The following PALS2 variants were observed in gnomAD, a reference collection of about 807,000 sequenced individuals.
PALS2 encodes protein PALS2.
In PALS2, 27 loss-of-function variants were observed where a neutral mutation model predicts 61.6. The ratio of observed to expected loss-of-function variants is 0.44; its 90% CI spans 0.32 to 0.60. PALS2 has a LOEUF of 0.60. Ranked by LOEUF, PALS2 falls within the 20% of genes least tolerant of loss-of-function variation. PALS2 has a pLI of 0.05. For synonymous variants in PALS2, 236 were observed against 218.6 expected (o/e 1.08, Z -0.70); for missense variants, 554 against 639.4 (o/e 0.87, Z 1.44).
At chr7:24,630,423 T>G (rs769659032) in intron 2 of PALS2, among the ~76,000 whole-genome samples, 7 of 152,070 alleles carry the variant, frequency 4.6e-5, no homozygotes, top group Non-Finnish European at 1.0e-4. Flanking sequence ...CCATGGCACA[T>G]TTGTACTTAT....
At chr7:24,679,447 C>A in intron 10 of PALS2, 114 bp downstream of exon 10, 1 of 962,942 alleles carries the variant, frequency 1.0e-6, no homozygotes, top group Non-Finnish European at 1.6e-6. Flanking sequence ...GGAAAGGTGA[C>A]TCCCTCCATT....
Position 24,687,697 on chromosome 7 carries a change from C to G in PALS2, c.*83C>G. ...AACCTTCTACTGAGAAAATACATCA[C>G]AGATAGAAGATTATCTGCTAAGTCC... On this transcript the variant is annotated 3_prime_UTR_variant, in exon 12 of 12. Transcript: ENST00000222644. The surrounding 1 kb of genome is among the most constrained non-coding windows in gnomAD (Gnocchi z 4.5). 1 of 1,334,094 alleles carries G rather than the reference C, an allele frequency of 7.5e-7. No homozygotes were observed. 82.6% of individuals were successfully genotyped at this position (1,334,094 alleles called of 1,614,324 possible).
chr7:24,578,981 G>A (rs1007393468), intron 1 of PALS2, among the ~76,000 whole-genome samples: 4 of 152,172 alleles, frequency 2.6e-5, no homozygotes. Flanking sequence ...CAAAAAGGAA[G>A]TAAAATAAAA....
intron 1 of PALS2, among the ~76,000 whole-genome samples, chr7:24,583,806 C>A (rs934555803): frequency 1.3e-5 from 2 of 151,878 alleles, no homozygotes; most frequent in African/African-American, 4.8e-5. Context: ...TGCTATCCCT[C>A]CCCTCTCCCC....
At chr7:24,667,179 A>G (rs921240454) in intron 8 of PALS2, among the ~76,000 whole-genome samples, 26 of 152,280 alleles carry the variant, frequency 1.7e-4, no homozygotes, top group African/African-American at 5.3e-4. Context: ...TAATATTTCA[A>G]ATCATCACTT....
intron 1 of PALS2, among the ~76,000 whole-genome samples, chr7:24,587,911 TAC>T (rs1783134619): frequency 6.6e-6 from 1 of 152,186 alleles, no homozygotes; most frequent in African/African-American, 2.4e-5. Context: ...ACCGAGCTAA[TAC>T]AGTTTGATCT....
rs1198366817 is a variant in PALS2 at position 24,641,942 on chromosome 7, G to A, written c.270+74G>A. 6 of 1,483,286 alleles carry A rather than the reference G, an allele frequency of 4.0e-6. No individual in the cohort carries two copies. In the African/African-American group the frequency reaches 4.3e-5, roughly 11 times the overall value. 91.9% of individuals were successfully genotyped at this position (1,483,286 alleles called of 1,614,324 possible). A position where few individuals can be genotyped will look rare whatever the true frequency, so the allele number is the denominator to read the frequency against. On this transcript the variant is annotated intron_variant, in intron 3 of 11. Transcript: ENST00000222644. ...ATTCTCCTTTACTTTCCAGTTTAAGGTGATGTTTTCTTCAAAGATTATTTA... is the reference window on the plus strand; with the variant it reads ...ATTCTCCTTTACTTTCCAGTTTAAGATGATGTTTTCTTCAAAGATTATTTA...
chr7:24,684,781 C>A (rs1788109614), intron 11 of PALS2, among the ~76,000 whole-genome samples: 1 of 152,008 alleles, frequency 6.6e-6, no homozygotes. Flanking sequence ...ATCCTGAAAA[C>A]CTTGGTTCCT....
rs529179184 is a variant in PALS2 at position 24,651,491 on chromosome 7, A to G, written c.651+779A>G. On this transcript the variant is annotated intron_variant, in intron 5 of 11. Coordinates refer to ENST00000222644, the MANE Select transcript of PALS2 (RefSeq NM_001303037.2). Reference sequence around the variant, plus strand: ...CTCAAAAGATTGTTATGAGGATTAAACGAGTTAATTCATGTAATGCTCTCA... The same window carrying G: ...CTCAAAAGATTGTTATGAGGATTAAGCGAGTTAATTCATGTAATGCTCTCA... Among the ~76,000 whole-genome samples the G allele has an allele frequency of 5.9e-5, 9 of 152,332 alleles. No homozygotes were observed. In the South Asian group the frequency reaches 1.9e-3, roughly 32 times the overall value.
At chr7:24,583,299 T>C (rs1031490559) in intron 1 of PALS2, among the ~76,000 whole-genome samples, 4 of 152,134 alleles carry the variant, frequency 2.6e-5, no homozygotes, top group Non-Finnish European at 5.9e-5. Flanking sequence ...TTTTAAAAGG[T>C]TGGACTATCT....
intron 2 of PALS2, among the ~76,000 whole-genome samples, chr7:24,625,863 A>C (rs1040569589): frequency 5.9e-5 from 9 of 152,192 alleles, no homozygotes; most frequent in Admixed American, 2.0e-4. Context: ...CCTATAATAT[A>C]GGTTAAAAAA....
At chr7:24,627,608 A>G (rs1015325534) in intron 2 of PALS2, among the ~76,000 whole-genome samples, 2 of 152,174 alleles carry the variant, frequency 1.3e-5, no homozygotes, top group Admixed American at 6.5e-5. Context: ...AGCAAAATAG[A>G]TAGACCGCTA....
At chr7:24,577,271 C>CTTTTTTTTTTTTTTTT (rs59851624) in intron 1 of PALS2, among the ~76,000 whole-genome samples, 1 of 131,334 alleles carries the variant, frequency 7.6e-6, no homozygotes, top group African/African-American at 2.8e-5. Flanking sequence ...TCCTTTTTTC[C>CTTTTTTTTTTTTTTTT]TTTTTTTTTT....
Position 24,573,757 on chromosome 7 carries a change from AGGC to A in PALS2, c.-3+178_-3+180del, listed in dbSNP as rs1310044823. ...GCGGGCGCGGGGAAGAGGGACCGGC[AGGC>A]GGCGGCGGCGGCGCCGCGGTCGGGG... On this transcript the variant is annotated intron_variant, in intron 1 of 11. Transcript: ENST00000222644. The surrounding 1 kb of genome is among the most constrained non-coding windows in gnomAD (Gnocchi z 5.3). Among the ~76,000 whole-genome samples the A allele has an allele frequency of 7.0e-6, 1 of 143,400 alleles. No homozygotes were observed. Among genetic ancestry groups the A allele is most frequent in the African/African-American group, 2.5e-5 (1 of 39,662 alleles). The allele number at this position is 143,400 out of a possible 152,430, so 94.1% of individuals were successfully genotyped here. A position where few individuals can be genotyped will look rare whatever the true frequency, so the allele number is the denominator to read the frequency against.
chr7:24,675,549 A>G (rs1444100441), intron 9 of PALS2, among the ~76,000 whole-genome samples: 1 of 71,110 alleles, frequency 1.4e-5, no homozygotes, highest in Non-Finnish European at 2.6e-5. Context: ...CCCTCCCCCC[A>G]CCCCACAACA....
chr7:24,581,943 A>G (rs1200975508), intron 1 of PALS2, among the ~76,000 whole-genome samples: 1 of 152,174 alleles, frequency 6.6e-6, no homozygotes, highest in Non-Finnish European at 1.5e-5. Flanking sequence ...AAAAATCTAC[A>G]TTCATGTGTC....
intron 2 of PALS2, among the ~76,000 whole-genome samples, chr7:24,628,791 T>C (rs1384587713): frequency 6.6e-6 from 1 of 152,146 alleles, no homozygotes; most frequent in Non-Finnish European, 1.5e-5. Context: ...TTACAAGGGA[T>C]GTGAAGGACC....
chr7:24,575,966 T>C (rs1336164603), intron 1 of PALS2, among the ~76,000 whole-genome samples: 1 of 152,198 alleles, frequency 6.6e-6, no homozygotes, highest in African/African-American at 2.4e-5. Context: ...CTAGATTTTT[T>C]TTTTTTAAAT....
intron 1 of PALS2, among the ~76,000 whole-genome samples, chr7:24,610,905 ATTATT>A (rs1784089466): frequency 6.6e-6 from 1 of 152,142 alleles, no homozygotes; most frequent in African/African-American, 2.4e-5. Flanking sequence ...TGGTGAAATA[ATTATT>A]TTATCTGTAA....
Sources: allele counts gnomAD v4.1 joint callset (sites outside exome capture counted in the v4.1 genomes callset), GRCh38; gene constraint gnomAD v4.1.1; non-coding constraint Gnocchi (gnomAD v3.1); transcripts MANE v1.5; gene names NCBI Gene and HGNC (gene_info 2026-07-23, HGNC 2026-07-21).